CADM2: variants seen among roughly 807,000 people sequenced by gnomAD.
CADM2 encodes the protein cell adhesion molecule 2, also known as immunoglobulin superfamily member 4D.
CADM2 carries 12 observed loss-of-function variants against 49.8 expected under a neutral mutation model. That is an observed-to-expected ratio of 0.24 (90% CI 0.15 to 0.39). The LOEUF is 0.39. Among genes scored for constraint, CADM2 ranks in the 10% least tolerant of loss-of-function variants. CADM2 has a pLI of 1.00. For missense variants in CADM2, 378 were observed against 492.3 expected (o/e 0.77, Z 2.20); for synonymous variants, 214 against 175.4 (o/e 1.22, Z -1.74).
intron 1 of CADM2, among the ~76,000 whole-genome samples, chr3:85,658,640 A>G (rs1018995033): frequency 3.2e-5 from 4 of 123,314 alleles, no homozygotes; most frequent in Non-Finnish European, 5.1e-5. Context: ...ATGTTTGTTT[A>G]TGTGTGTGTG....
chr3:85,745,414 G>T (rs1328027357), intron 2 of CADM2, among the ~76,000 whole-genome samples: 2 of 151,862 alleles, frequency 1.3e-5, no homozygotes, highest in Non-Finnish European at 2.9e-5. Flanking sequence ...GTTGGAAGGG[G>T]GAAGGCTAAA....
intron 1 of CADM2, among the ~76,000 whole-genome samples, chr3:85,129,513 A>G (rs2039155503): frequency 6.6e-6 from 1 of 152,210 alleles, no homozygotes; most frequent in African/African-American, 2.4e-5. Context: ...TTAGAGTAGT[A>G]GTTTGATTCC....
chr3:85,362,166 T>C (rs1263752448), intron 1 of CADM2, among the ~76,000 whole-genome samples: 1 of 152,188 alleles, frequency 6.6e-6, no homozygotes, highest in East Asian at 1.9e-4. Flanking sequence ...CAGATCTCCC[T>C]GCAGTAATTA....
chr3:84,968,810 T>C (rs559756462), intron 1 of CADM2, among the ~76,000 whole-genome samples: 1 of 152,192 alleles, frequency 6.6e-6, no homozygotes, highest in Admixed American at 6.5e-5. Flanking sequence ...TGGTGGGATC[T>C]TGAAGTTTTG....
intron 1 of CADM2, among the ~76,000 whole-genome samples, chr3:85,432,351 C>T (rs9859462): frequency 2.6e-4 from 39 of 151,886 alleles, no homozygotes; most frequent in African/African-American, 8.7e-4. Flanking sequence ...AGGGAGGGAG[C>T]GACCAAAAAT....
At chr3:85,866,678 A>G (rs1012709841) in intron 3 of CADM2, among the ~76,000 whole-genome samples, 3 of 151,608 alleles carry the variant, frequency 2.0e-5, no homozygotes, top group African/African-American at 7.3e-5. Context: ...TAATTTATGT[A>G]TTTGAAAAAA....
intron 1 of CADM2, among the ~76,000 whole-genome samples, chr3:85,477,183 T>G (rs2039009162): frequency 6.6e-6 from 1 of 150,618 alleles, no homozygotes; most frequent in African/African-American, 2.4e-5. Flanking sequence ...TCTGTTTCTT[T>G]TTTCTTAATG....
At chr3:85,416,257 T>C (rs2035914607) in intron 1 of CADM2, among the ~76,000 whole-genome samples, 1 of 152,128 alleles carries the variant, frequency 6.6e-6, no homozygotes, top group Admixed American at 6.6e-5. Flanking sequence ...AGGACTGATA[T>C]ATTTTAAAAT....
intron 1 of CADM2, among the ~76,000 whole-genome samples, chr3:85,541,754 TTTATATATATATTTTATATTTTA>T (rs1559897622): frequency 0.012 from 279 of 22,924 alleles, 5 homozygotes; most frequent in East Asian, 0.026. Context: ...TTTTATATAT[TTTATATATATATTTTATATTTTA>T]TATATATATA....
rs372018990 is a variant in CADM2 at position 85,416,519 on chromosome 3, A to C, written c.62-310003A>C. Among the ~76,000 whole-genome samples the C allele has an allele frequency of 3.3e-5, 5 of 152,210 alleles. No individual in the cohort carries two copies. The East Asian group carries it at 7.7e-4, about 23-fold the overall frequency. On this transcript the variant is annotated intron_variant, in intron 1 of 9. Coordinates refer to ENST00000383699, the MANE Select transcript of CADM2 (RefSeq NM_001167675.2). Reference sequence around the variant, plus strand: ...AGAAAAGGGCTTTTGAACTTGCCCTATGCATTTTAGAAGTGATCTTAAATT... The same window carrying C: ...AGAAAAGGGCTTTTGAACTTGCCCTCTGCATTTTAGAAGTGATCTTAAATT...
chr3:85,185,270 G>A (rs536539784), intron 1 of CADM2, among the ~76,000 whole-genome samples: 2 of 151,366 alleles, frequency 1.3e-5, no homozygotes, highest in South Asian at 2.1e-4. Context: ...TCCAAATAAC[G>A]AATATTTATT....
chr3:85,034,415 C>A (rs570184833), intron 1 of CADM2, among the ~76,000 whole-genome samples: 4 of 152,108 alleles, frequency 2.6e-5, no homozygotes, highest in Non-Finnish European at 5.9e-5. Flanking sequence ...TATGTTGCTG[C>A]AAGTGACAGG....
intron 1 of CADM2, among the ~76,000 whole-genome samples, chr3:85,676,088 C>CA (rs1171673716): frequency 2.6e-5 from 4 of 152,178 alleles, no homozygotes; most frequent in African/African-American, 9.7e-5. Flanking sequence ...GACACCACAG[C>CA]AGATACCTCA....
intron 7 of CADM2, among the ~76,000 whole-genome samples, chr3:85,945,575 C>G (rs1051532421): frequency 6.6e-6 from 1 of 152,088 alleles, no homozygotes; most frequent in Non-Finnish European, 1.5e-5. Context: ...AAAAGCTTAT[C>G]TACCATGATC....
At chr3:85,119,331 C>T (rs1231049748) in intron 1 of CADM2, among the ~76,000 whole-genome samples, 3 of 152,002 alleles carry the variant, frequency 2.0e-5, no homozygotes, top group Non-Finnish European at 4.4e-5. Flanking sequence ...ATTTCTGAAA[C>T]CTTTGTTCTG....
At chr3:85,083,685 T>G (rs1391108186) in intron 1 of CADM2, among the ~76,000 whole-genome samples, 2 of 152,132 alleles carry the variant, frequency 1.3e-5, no homozygotes, top group Non-Finnish European at 2.9e-5. Flanking sequence ...ATTAAAATGT[T>G]TTTCTCTAAC....
At chr3:85,791,352 G>T (rs991541946) in intron 2 of CADM2, among the ~76,000 whole-genome samples, 1 of 152,118 alleles carries the variant, frequency 6.6e-6, no homozygotes, top group Non-Finnish European at 1.5e-5. Context: ...TGTTTAGAAT[G>T]CCTTCAGTAA....
chr3:85,100,481 G>T (rs2037971121), intron 1 of CADM2, among the ~76,000 whole-genome samples: 1 of 152,088 alleles, frequency 6.6e-6, no homozygotes, highest in East Asian at 1.9e-4. Context: ...ACCAAAACTA[G>T]CATTAACTTT....
chr3:86,046,952 A>G (rs1736758428), intron 8 of CADM2, among the ~76,000 whole-genome samples: 1 of 151,946 alleles, frequency 6.6e-6, no homozygotes, highest in Non-Finnish European at 1.5e-5. Context: ...TGTTTGCTGA[A>G]GTAAATTTCC....
Sources: gnomAD v4.1 joint callset for allele counts (sites outside exome capture counted in the v4.1 genomes callset) on GRCh38, gnomAD v4.1.1 for gene constraint, MANE v1.5 for transcripts, NCBI Gene and HGNC (gene_info 2026-07-23, HGNC 2026-07-21) for gene names.